The following SIPA1L2 variants were observed in gnomAD, a reference collection of about 807,000 sequenced individuals.
SIPA1L2 encodes the protein signal-induced proliferation-associated 1-like protein 2.
Under a neutral mutation model 163.9 loss-of-function variants are expected in SIPA1L2, and 56 were observed. That is an observed-to-expected ratio of 0.34 (90% CI 0.28 to 0.43). The LOEUF is 0.43. Ranked by LOEUF, SIPA1L2 falls within the 20% of genes least tolerant of loss-of-function variation. The pLI, the probability that SIPA1L2 is intolerant of heterozygous loss-of-function variation, is 1.00. For synonymous variants in SIPA1L2, 877 were observed against 865.7 expected (o/e 1.01, Z -0.23); for missense variants, 1,974 against 2,193.5 (o/e 0.90, Z 2.00).
intron 3 of SIPA1L2, among the ~76,000 whole-genome samples, chr1:232,503,938 C>T (rs541065026): frequency 6.6e-6 from 1 of 152,266 alleles, no homozygotes; most frequent in South Asian, 2.1e-4. Flanking sequence ...GGCCTATAAT[C>T]CCAGCACTTT....
chr1:232,528,167 T>C (rs1200597580), intron 2 of SIPA1L2, among the ~76,000 whole-genome samples: 1 of 150,176 alleles, frequency 6.7e-6, no homozygotes, highest in South Asian at 2.1e-4. Flanking sequence ...TATAAAATGT[T>C]AGTATTAACA....
At chr1:232,430,256 C>G (rs773026510) in intron 16 of SIPA1L2, among the ~76,000 whole-genome samples, 2 of 152,182 alleles carry the variant, frequency 1.3e-5, no homozygotes, top group Admixed American at 1.3e-4. Flanking sequence ...AGAGAACAAT[C>G]CCCTTTGGGA....
intron 14 of SIPA1L2, 66 bp downstream of exon 14, chr1:232,441,225 C>A: frequency 1.6e-6 from 2 of 1,234,598 alleles, no homozygotes; most frequent in Non-Finnish European, 1.1e-6. Flanking sequence ...TCAGGCTGTA[C>A]CACTGTGTGC....
In SIPA1L2 at chr1:232,514,842, G is replaced by C. The variant is rs1667150467; in HGVS notation, c.498C>G (p.Ile166Met). ...AGACATCTTCGGCATCAATGTCACT[G>C]ATAGTGACATCACTATTGCTCCTCT... ...IRQRSNSDVT[I>M]SDIDAEDVLD... Residue 166 changes from isoleucine (I) to methionine (M), a missense_variant, in exon 3 of 23, where the codon ATC becomes ATG. Physicochemically the swap from Ile to Met is conservative, Grantham distance 10. Around this residue, in one of 3 missense-constraint regions of SIPA1L2, gnomAD observed 607 missense variants for 624.0 expected, o/e 0.97. Transcript: ENST00000674635. 6.2e-7 allele frequency: 1 copy of C among 1,613,958 alleles called. No individual in the cohort carries two copies. The highest frequency in any genetic ancestry group is 8.5e-7 in the Non-Finnish European group (1 of 1,179,940).
chr1:232,500,120 T>C (rs144348375), intron 3 of SIPA1L2, among the ~76,000 whole-genome samples: 17 of 152,350 alleles, frequency 1.1e-4, no homozygotes, highest in African/African-American at 3.1e-4. Flanking sequence ...CTGACTGTTT[T>C]AAGCCCACTG....
At chr1:232,545,158 CTTAA>C (rs1657952364) in intron 2 of SIPA1L2, among the ~76,000 whole-genome samples, 1 of 152,044 alleles carries the variant, frequency 6.6e-6, no homozygotes, top group African/African-American at 2.4e-5. Flanking sequence ...ACTTTAATGC[CTTAA>C]TTTTTACCAG....
chr1:232,503,979 C>T (rs1043380431), intron 3 of SIPA1L2, among the ~76,000 whole-genome samples: 2 of 151,832 alleles, frequency 1.3e-5, no homozygotes, highest in Non-Finnish European at 2.9e-5. Context: ...TTGCTTGAGG[C>T]CAGGAGTTTG....
intron 10 of SIPA1L2, among the ~76,000 whole-genome samples, chr1:232,453,746 C>CT (rs10711839): frequency 2.2e-3 from 281 of 130,144 alleles, no homozygotes; most frequent in Middle Eastern, 3.9e-3. Context: ...AAACACAAGG[C>CT]TTTTTTTTTT....
chr1:232,546,962 C>G (rs576394936), intron 2 of SIPA1L2, among the ~76,000 whole-genome samples: 6 of 151,980 alleles, frequency 3.9e-5, no homozygotes, highest in African/African-American at 1.2e-4. Context: ...GAGCGGCTGG[C>G]AAAATTAAAG....
intron 10 of SIPA1L2, among the ~76,000 whole-genome samples, chr1:232,447,747 C>A (rs1305992967): frequency 1.3e-5 from 2 of 152,224 alleles, no homozygotes; most frequent in Admixed American, 6.5e-5. Flanking sequence ...GTCTTTCCAG[C>A]TAATTAGCAA....
chr1:232,460,593 C>G (rs1022737376), intron 10 of SIPA1L2, among the ~76,000 whole-genome samples: 3 of 151,988 alleles, frequency 2.0e-5, no homozygotes, highest in African/African-American at 4.8e-5. Context: ...TCCAGGGGAA[C>G]CAGGCAGGTG....
At chr1:232,525,244 T>A in intron 2 of SIPA1L2, among the ~76,000 whole-genome samples, 1 of 144,454 alleles carries the variant, frequency 6.9e-6, no homozygotes, top group Non-Finnish European at 1.5e-5. Context: ...TTTTTTTTTT[T>A]TTTTTTTTGG....
chr1:232,440,380 T>G (rs940036546), intron 14 of SIPA1L2, among the ~76,000 whole-genome samples: 1 of 152,188 alleles, frequency 6.6e-6, no homozygotes, highest in Non-Finnish European at 1.5e-5. Context: ...TTCCAGCCTA[T>G]CAGATCCTTA....
Position 232,403,381 on chromosome 1 carries a change from G to A in SIPA1L2, c.4940+67C>T, listed in dbSNP as rs1660457997. Reference sequence around the variant, plus strand: ...CGCCCGCCTGGCTCAGGGTTAGTCGGTTAGCCGAATCTTGGCTAATCATGC... The same window carrying A: ...CGCCCGCCTGGCTCAGGGTTAGTCGATTAGCCGAATCTTGGCTAATCATGC... On this transcript the variant is annotated intron_variant, in intron 21 of 22. Coordinates refer to ENST00000674635, the MANE Select transcript of SIPA1L2 (RefSeq NM_020808.5). 14 of 1,570,968 alleles carry A rather than the reference G, an allele frequency of 8.9e-6. No homozygotes were observed. The South Asian group carries it at 1.6e-4, about 17-fold the overall frequency.
chr1:232,477,719 G>A (rs1665119163), intron 7 of SIPA1L2, among the ~76,000 whole-genome samples: 1 of 152,116 alleles, frequency 6.6e-6, no homozygotes. Context: ...ATGAAGTCAG[G>A]TACATAAAAC....
chr1:232,520,391 G>A (rs1041257838), intron 2 of SIPA1L2, among the ~76,000 whole-genome samples: 1 of 152,246 alleles, frequency 6.6e-6, no homozygotes, highest in African/African-American at 2.4e-5. Context: ...GCATGAAGGA[G>A]CTGTTCTCAT....
chr1:232,509,661 A>G (rs1479142502), intron 3 of SIPA1L2, among the ~76,000 whole-genome samples: 1 of 152,186 alleles, frequency 6.6e-6, no homozygotes, highest in Non-Finnish European at 1.5e-5. Flanking sequence ...CTCCCACACC[A>G]TAGGAGGCCT....
At chr1:232,610,517 A>C (rs1361973250) in intron 1 of SIPA1L2, among the ~76,000 whole-genome samples, 1 of 152,270 alleles carries the variant, frequency 6.6e-6, no homozygotes. Flanking sequence ...TCTAAAAATA[A>C]AATACATACA....
rs112089595 is a variant in SIPA1L2 at position 232,431,481 on chromosome 1, C to G, written c.4256+766G>C. Among the ~76,000 whole-genome samples the G allele has an allele frequency of 1.4e-3, 215 of 152,314 alleles. 1 individual carries two copies. The highest frequency in any genetic ancestry group is 4.8e-3 in the African/African-American group (200 of 41,574). On this transcript the variant is annotated intron_variant, in intron 16 of 22. Transcript: ENST00000674635. ...AAAGTGTAAAATCTGGAGGCTCTCT[C>G]TGAAGAGCCATCCCAGTGTGGGTGC...
Sources: gnomAD v4.1 joint callset for allele counts (sites outside exome capture counted in the v4.1 genomes callset) on GRCh38, gnomAD v4.1.1 for gene constraint, gnomAD v4.1.1 regional missense constraint, MANE v1.5 for transcripts, NCBI Gene and HGNC (gene_info 2026-07-23, HGNC 2026-07-21) for gene names.